Variants in TNKS observed in about 807,000 individuals in gnomAD.
TNKS encodes the protein tankyrase.
TNKS carries 72 observed loss-of-function variants against 135.8 expected under a neutral mutation model. That is an observed-to-expected ratio of 0.53 (90% CI 0.44 to 0.64). The LOEUF is 0.64. Ranked by LOEUF, TNKS falls within the 30% of genes least tolerant of loss-of-function variation. TNKS has a pLI of 0.00. For missense variants in TNKS, 1,769 were observed against 1,674.0 expected, an observed-to-expected ratio of 1.06 and a Z score of -0.99; for synonymous variants, 849 against 649.3, an observed-to-expected ratio of 1.31 and a Z score of -4.68.
intron 1 of TNKS, among the ~76,000 whole-genome samples, chr8:9,565,603 G>C (rs373678387): frequency 6.6e-6 from 1 of 152,154 alleles, no homozygotes; most frequent in East Asian, 1.9e-4. Flanking sequence ...GCTCACGCCT[G>C]TAATCCCAGC....
At chr8:9,774,242 G>A (rs949183048) in intron 26 of TNKS, among the ~76,000 whole-genome samples, 2 of 152,130 alleles carry the variant, frequency 1.3e-5, no homozygotes, top group Non-Finnish European at 2.9e-5. Flanking sequence ...CTACTTTACT[G>A]AACTGATGTG....
intron 12 of TNKS, among the ~76,000 whole-genome samples, chr8:9,722,233 A>C (rs6601361): frequency 0.7 from 106,473 of 151,914 alleles, 37,861 homozygotes; most frequent in Admixed American, 0.8. Flanking sequence ...AAATACAGCC[A>C]AGTTGAGAAT....
chr8:9,674,832 A>G (rs1802469501), intron 3 of TNKS, among the ~76,000 whole-genome samples: 1 of 152,210 alleles, frequency 6.6e-6, no homozygotes, highest in Non-Finnish European at 1.5e-5. Flanking sequence ...AAGGACAACA[A>G]ACAACTGTGT....
chr8:9,774,865 A>G (rs1808132518), intron 26 of TNKS, among the ~76,000 whole-genome samples: 1 of 152,212 alleles, frequency 6.6e-6, no homozygotes, highest in South Asian at 2.1e-4. Flanking sequence ...AAAATGTCAT[A>G]GAAAGTATTA....
At chr8:9,694,561 C>T (rs886659465) in intron 5 of TNKS, among the ~76,000 whole-genome samples, 40 of 151,974 alleles carry the variant, frequency 2.6e-4, no homozygotes, top group African/African-American at 9.2e-4. Context: ...CAGGAGTTCA[C>T]GACCAGCCTG....
At chr8:9,654,650 A>G (rs1801278053) in intron 3 of TNKS, among the ~76,000 whole-genome samples, 1 of 152,234 alleles carries the variant, frequency 6.6e-6, no homozygotes, top group South Asian at 2.1e-4. Context: ...GTTGCTTTGC[A>G]AGCTGTACCT....
At chr8:9,579,676 C>T (rs751237685) in intron 1 of TNKS, among the ~76,000 whole-genome samples, 3 of 152,094 alleles carry the variant, frequency 2.0e-5, no homozygotes, top group Non-Finnish European at 4.4e-5. Context: ...ACCATGTTGG[C>T]CAGGCTGGTC....
intron 3 of TNKS, among the ~76,000 whole-genome samples, chr8:9,676,688 G>C (rs113040153): frequency 2.6e-4 from 37 of 140,158 alleles, no homozygotes; most frequent in Middle Eastern, 3.6e-3. Context: ...CTCTCTCTCT[G>C]TGTGTGTGTG....
intron 11 of TNKS, 58 bp from the exon 12 acceptor site, chr8:9,720,316 T>G: frequency 7.0e-7 from 1 of 1,429,720 alleles, no homozygotes; most frequent in Non-Finnish European, 9.4e-7. Context: ...TTTTCTAAGG[T>G]ATAAAAGGAA....
intron 1 of TNKS, 30 bp from the exon 2 acceptor site, chr8:9,580,129 T>C (rs1585191886): frequency 6.3e-7 from 1 of 1,585,278 alleles, no homozygotes; most frequent in Non-Finnish European, 8.7e-7. Flanking sequence ...ATCAAATATA[T>C]ATACAAGACA....
At chr8:9,776,619 G>A (rs762458045) in intron 26 of TNKS, 31 bp from the exon 27 acceptor site, 2 of 1,599,688 alleles carry the variant, frequency 1.3e-6, no homozygotes, top group Admixed American at 1.7e-5. Flanking sequence ...CTACTAGAAG[G>A]GTGATTTGTT....
chr8:9,597,290 T>G lies in TNKS; in HGVS notation c.898+16907T>G, dbSNP rs79488132. 2.8e-4 allele frequency among the ~76,000 whole-genome samples: 43 copies of G among 152,336 alleles called. No homozygotes were observed. The East Asian group carries it at 7.3e-3, about 26-fold the overall frequency. Reference sequence around the variant, plus strand: ...CAAGTAGAGTCTCAGTAAATACTTGTTTCTTTCCACTTGCTTTCTTCTTGT... The same window carrying G: ...CAAGTAGAGTCTCAGTAAATACTTGGTTCTTTCCACTTGCTTTCTTCTTGT... On this transcript the variant is annotated intron_variant, in intron 2 of 26. Transcript: ENST00000310430.
intron 5 of TNKS, among the ~76,000 whole-genome samples, chr8:9,701,781 T>C (rs1269509950): frequency 4.0e-5 from 6 of 151,856 alleles, no homozygotes; most frequent in Non-Finnish European, 5.9e-5. Flanking sequence ...GGAGATGAAA[T>C]TGGGAGTTTG....
intron 2 of TNKS, among the ~76,000 whole-genome samples, chr8:9,595,147 A>G (rs1180878035): frequency 6.7e-6 from 1 of 149,708 alleles, no homozygotes; most frequent in Non-Finnish European, 1.5e-5. Flanking sequence ...TTTGAGACGG[A>G]GTCTTGCTGT....
At chr8:9,770,404 G>C (rs989121126) in intron 26 of TNKS, 142 bp downstream of exon 26, 3 of 951,594 alleles carry the variant, frequency 3.2e-6, no homozygotes, top group Non-Finnish European at 4.5e-6. Flanking sequence ...ACAAAATAAA[G>C]GTATCAAAAT....
At chr8:9,578,481 A>G (rs1798043955) in intron 1 of TNKS, among the ~76,000 whole-genome samples, 1 of 152,224 alleles carries the variant, frequency 6.6e-6, no homozygotes, top group Non-Finnish European at 1.5e-5. Context: ...TTATCAGCTT[A>G]ATTTTTAAGG....
chr8:9,581,583 G>T (rs1485168416), intron 2 of TNKS, among the ~76,000 whole-genome samples: 1 of 152,156 alleles, frequency 6.6e-6, no homozygotes, highest in Non-Finnish European at 1.5e-5. Context: ...ATTGAGCTTG[G>T]AATGTGTTTC....
In TNKS at chr8:9,752,537, G is replaced by A; in HGVS notation, c.3071-7G>A. On this transcript the variant is annotated splice_region_variant and splice_polypyrimidine_tract_variant and intron_variant, in intron 19 of 26. Coordinates refer to ENST00000310430, the MANE Select transcript of TNKS (RefSeq NM_003747.3). ...TTCTGAGAATCTTTAATATGTTTCT[G>A]TTTTAGTTGCTGGTCTTGACATGAA... The A allele has an allele frequency of 6.2e-7, 1 of 1,605,772 alleles. No homozygotes were observed. Among genetic ancestry groups the A allele is most frequent in the Non-Finnish European group, 8.5e-7 (1 of 1,174,320 alleles).
At chr8:9,769,908 G>C (rs964548053) in intron 25 of TNKS, among the ~76,000 whole-genome samples, 198 bp from the exon 26 acceptor site, 1 of 152,090 alleles carries the variant, frequency 6.6e-6, no homozygotes, top group Non-Finnish European at 1.5e-5. Context: ...TAAACTTTAA[G>C]TGTAACTATT....
Sources: gnomAD v4.1 joint callset for allele counts (sites outside exome capture counted in the v4.1 genomes callset) on GRCh38, gnomAD v4.1.1 for gene constraint, MANE v1.5 for transcripts, NCBI Gene and HGNC (gene_info 2026-07-23, HGNC 2026-07-21) for gene names.